CACNA2D3: variants seen among roughly 807,000 people sequenced by gnomAD.
The protein encoded by CACNA2D3 is calcium voltage-gated channel auxiliary subunit alpha2delta 3.
A neutral mutation model predicts 160.6 loss-of-function variants in CACNA2D3; 60 were observed. The observed-to-expected ratio is 0.37, with a 90% CI of 0.30 to 0.46. The LOEUF (loss-of-function observed/expected upper bound fraction) is 0.46, where lower values mean the gene tolerates loss of function less well. Ranked by LOEUF, CACNA2D3 falls within the 20% of genes least tolerant of loss-of-function variation. CACNA2D3 has a pLI of 1.00. For synonymous variants in CACNA2D3, 558 were observed against 492.9 expected (o/e 1.13, Z -1.75); for missense variants, 1,205 against 1,365.0 (o/e 0.88, Z 1.85).
intron 2 of CACNA2D3, among the ~76,000 whole-genome samples, chr3:54,206,545 A>C (rs917353791): frequency 6.6e-6 from 1 of 152,178 alleles, no homozygotes; most frequent in African/African-American, 2.4e-5. Flanking sequence ...TTAAAAACTC[A>C]AACAGTGAAA....
At chr3:54,226,466 C>A (rs971090568) in intron 2 of CACNA2D3, among the ~76,000 whole-genome samples, 2 of 151,992 alleles carry the variant, frequency 1.3e-5, no homozygotes, top group Non-Finnish European at 2.9e-5. Flanking sequence ...CCACGTCCAG[C>A]TAATTTTTTA....
intron 11 of CACNA2D3, among the ~76,000 whole-genome samples, chr3:54,717,847 GT>G (rs1225353602): frequency 6.7e-6 from 1 of 148,646 alleles, no homozygotes; most frequent in African/African-American, 2.5e-5. Context: ...GTGAGTGTGT[GT>G]GTGGTGTATG....
chr3:54,207,855 A>T (rs4928009), intron 2 of CACNA2D3, among the ~76,000 whole-genome samples: 64,860 of 151,866 alleles, frequency 0.43, 16,697 homozygotes, highest in East Asian at 0.76. Flanking sequence ...TGGATTAGCT[A>T]TCTCGGTGCA....
rs1704899345 is a variant in CACNA2D3 at position 55,074,312 on chromosome 3, G to A, written c.*106G>A. ...GTGCAACATACGAGACATGAATATAGTCCAACCATCAGCATCTCATCATGA... is the reference window on the plus strand; with the variant it reads ...GTGCAACATACGAGACATGAATATAATCCAACCATCAGCATCTCATCATGA... On this transcript the variant is annotated 3_prime_UTR_variant, in exon 38 of 38. Transcript: ENST00000474759. 1.2e-6 allele frequency: 1 copy of A among 863,222 alleles called. No individual in the cohort carries two copies. The highest frequency in any genetic ancestry group is 2.0e-6 in the Non-Finnish European group (1 of 507,104). The allele number at this position is 863,222 out of a possible 1,614,324, so 53.5% of individuals were successfully genotyped here.
At chr3:54,280,666 C>T (rs752162216) in intron 2 of CACNA2D3, among the ~76,000 whole-genome samples, 14 of 152,154 alleles carry the variant, frequency 9.2e-5, no homozygotes, top group Non-Finnish European at 1.9e-4. Flanking sequence ...CAGTTTCCCC[C>T]TCAAGTTTAG....
chr3:54,942,496 T>C (rs1211173416), intron 27 of CACNA2D3, among the ~76,000 whole-genome samples: 3 of 152,220 alleles, frequency 2.0e-5, no homozygotes, highest in Non-Finnish European at 4.4e-5. Context: ...TATGCTCCTC[T>C]TAATGCATCT....
At chr3:54,316,459 G>A (rs1425648863) in intron 2 of CACNA2D3, among the ~76,000 whole-genome samples, 1 of 152,166 alleles carries the variant, frequency 6.6e-6, no homozygotes, top group Non-Finnish European at 1.5e-5. Flanking sequence ...AACATGTCTT[G>A]GAAGGACAGA....
intron 14 of CACNA2D3, among the ~76,000 whole-genome samples, chr3:54,822,806 T>TCCTTCCTTCCTTCCTTC (rs1553874304): frequency 8.8e-6 from 1 of 113,072 alleles, no homozygotes; most frequent in Non-Finnish European, 1.7e-5. Flanking sequence ...TTTCTTTCTT[T>TCCTTCCTTCCTTCCTTC]CTTTCTTTCT....
At chr3:54,233,447 G>A (rs755299750) in intron 2 of CACNA2D3, among the ~76,000 whole-genome samples, 1 of 152,184 alleles carries the variant, frequency 6.6e-6, no homozygotes, top group Non-Finnish European at 1.5e-5. Context: ...CAATTCATCC[G>A]AAGGCATAGA....
chr3:55,060,270 A>G (rs914552097), intron 35 of CACNA2D3, among the ~76,000 whole-genome samples: 1 of 152,178 alleles, frequency 6.6e-6, no homozygotes, highest in Non-Finnish European at 1.5e-5. Context: ...GAGTTGGGAA[A>G]TGAGTCCATT....
In CACNA2D3 at chr3:54,386,784, T is replaced by G. The variant is rs749569900; in HGVS notation, c.381+10T>G. The G allele has an allele frequency of 4.4e-6, 7 of 1,586,640 alleles. No individual in the cohort carries two copies. Among genetic ancestry groups the G allele is most frequent in the African/African-American group, 1.3e-5 (1 of 74,476 alleles). ...TGATGCAGACTTACAGGTAACTGAT[T>G]ATAGTTTGAGTTAAATTGTTTTGTG... On this transcript the variant is annotated intron_variant, in intron 4 of 37. Coordinates refer to ENST00000474759, the MANE Select transcript of CACNA2D3 (RefSeq NM_018398.3).
chr3:54,827,400 GAT>G (rs1423491245), intron 14 of CACNA2D3, among the ~76,000 whole-genome samples: 2 of 152,358 alleles, frequency 1.3e-5, no homozygotes, highest in African/African-American at 4.8e-5. Context: ...AGGATGGAAA[GAT>G]AGATCAATAA....
intron 27 of CACNA2D3, among the ~76,000 whole-genome samples, chr3:54,915,783 C>A (rs1161985488): frequency 6.6e-6 from 1 of 152,136 alleles, no homozygotes; most frequent in Non-Finnish European, 1.5e-5. Context: ...TTTTCATTGC[C>A]AACTGCTGTT....
intron 11 of CACNA2D3, among the ~76,000 whole-genome samples, chr3:54,717,380 C>G (rs114622097): frequency 6.6e-6 from 1 of 152,222 alleles, no homozygotes; most frequent in Non-Finnish European, 1.5e-5. Context: ...TACATGTGTT[C>G]TGCATTAAGA....
intron 11 of CACNA2D3, among the ~76,000 whole-genome samples, chr3:54,730,496 CT>C (rs1701364892): frequency 6.6e-6 from 1 of 151,980 alleles, no homozygotes; most frequent in Non-Finnish European, 1.5e-5. Context: ...CAGAATCTTT[CT>C]TTCTTTCTTT....
At chr3:54,453,531 T>C (rs965645171) in intron 4 of CACNA2D3, among the ~76,000 whole-genome samples, 1 of 152,130 alleles carries the variant, frequency 6.6e-6, no homozygotes, top group Non-Finnish European at 1.5e-5. Context: ...TTGGTTGCCA[T>C]TAACAGAAAC....
chr3:54,910,203 A>G (rs1700527353), intron 27 of CACNA2D3, among the ~76,000 whole-genome samples: 1 of 152,218 alleles, frequency 6.6e-6, no homozygotes, highest in Non-Finnish European at 1.5e-5. Flanking sequence ...TTTCAAAATA[A>G]AATTTCAGAA....
chr3:54,755,247 C>G (rs1701949175), intron 12 of CACNA2D3, among the ~76,000 whole-genome samples: 1 of 152,134 alleles, frequency 6.6e-6, no homozygotes, highest in Non-Finnish European at 1.5e-5. Flanking sequence ...CCAGTTCTTC[C>G]TCCCTGCTGA....
At chr3:54,237,533 A>G (rs1226109892) in intron 2 of CACNA2D3, among the ~76,000 whole-genome samples, 4 of 152,166 alleles carry the variant, frequency 2.6e-5, no homozygotes, top group African/African-American at 9.7e-5. Flanking sequence ...ATAGATTTAC[A>G]CGGTAAAGAT....
Sources: gnomAD v4.1 joint callset for allele counts (sites outside exome capture counted in the v4.1 genomes callset) on GRCh38, gnomAD v4.1.1 for gene constraint, MANE v1.5 for transcripts, NCBI Gene and HGNC (gene_info 2026-07-23, HGNC 2026-07-21) for gene names.